Variants in ARFGEF3 observed in about 807,000 individuals in gnomAD.
The protein encoded by ARFGEF3 is brefeldin A-inhibited guanine nucleotide-exchange protein 3.
A neutral mutation model predicts 221.7 loss-of-function variants in ARFGEF3; 96 were observed. The observed-to-expected ratio is 0.43, with a 90% CI of 0.37 to 0.51. The LOEUF is 0.51. Ranked by LOEUF, ARFGEF3 falls within the 20% of genes least tolerant of loss-of-function variation. The pLI, the probability that ARFGEF3 is intolerant of heterozygous loss-of-function variation, is 0.00. For synonymous variants in ARFGEF3, 1,145 were observed against 1,126.8 expected, an observed-to-expected ratio of 1.02 and a Z score of -0.32; for missense variants, 2,410 against 2,789.9, an observed-to-expected ratio of 0.86 and a Z score of 3.07.
Position 138,306,099 on chromosome 6 carries a change from CAAA to C in ARFGEF3, c.3829-1149_3829-1147del, listed in dbSNP as rs547933958. ...TATATAGAACATTATATGGGATTTG[CAAA>C]AAAATTCTAGTCGAGCAAGGTCACT... On this transcript the variant is annotated intron_variant, in intron 22 of 33. Transcript: ENST00000251691. 1.3e-5 allele frequency among the ~76,000 whole-genome samples: 2 copies of C among 151,724 alleles called. 1 individual carries two copies. Among genetic ancestry groups the C allele is most frequent in the South Asian group, 4.2e-4 (2 of 4,806 alleles).
intron 1 of ARFGEF3, among the ~76,000 whole-genome samples, chr6:138,165,141 G>A (rs1171348996): frequency 1.3e-5 from 2 of 151,488 alleles, no homozygotes; most frequent in Admixed American, 1.3e-4. Flanking sequence ...GAGAGAGAGG[G>A]GGCATCCCCG....
intron 29 of ARFGEF3, among the ~76,000 whole-genome samples, chr6:138,321,516 A>T (rs1383075215): frequency 6.6e-6 from 1 of 152,228 alleles, no homozygotes; most frequent in Non-Finnish European, 1.5e-5. Flanking sequence ...GAGAAACGCA[A>T]ATTGAATGTA....
At position 138,317,485 on chromosome 6, in the gene ARFGEF3, A is replaced by G; in HGVS notation, c.4474+106A>G. ...CCTGTTTTCACTGTTTCCTAGACTTAGTACAAAGCTCACACGTAAGAGGTG... is the reference window on the plus strand; with the variant it reads ...CCTGTTTTCACTGTTTCCTAGACTTGGTACAAAGCTCACACGTAAGAGGTG... On this transcript the variant is annotated intron_variant, in intron 27 of 33. Coordinates refer to ENST00000251691, the MANE Select transcript of ARFGEF3 (RefSeq NM_020340.5). 5 of 1,373,292 alleles carry G rather than the reference A, an allele frequency of 3.6e-6. 1 individual carries two copies. Among genetic ancestry groups the G allele is most frequent in the Non-Finnish European group, 5.0e-6 (5 of 991,776 alleles). 85.1% of individuals were successfully genotyped at this position (1,373,292 alleles called of 1,614,324 possible). A position where few individuals can be genotyped will look rare whatever the true frequency, so the allele number is the denominator to read the frequency against.
chr6:138,321,055 A>T, intron 28 of ARFGEF3, 56 bp from the exon 29 acceptor site: 2 of 988,554 alleles, frequency 2.0e-6, no homozygotes, highest in Non-Finnish European at 3.1e-6. Flanking sequence ...TGGCCATTTC[A>T]ATCTACCCCT....
intron 25 of ARFGEF3, 80 bp downstream of exon 25, chr6:138,311,590 T>TG: frequency 2.1e-6 from 2 of 933,122 alleles, no homozygotes; most frequent in Non-Finnish European, 3.4e-6. Context: ...GGGGGGTCTT[T>TG]TGCTGAAGCC....
Position 138,334,297 on chromosome 6 carries a change from T to C in ARFGEF3, c.5451T>C (p.Tyr1817=). The C allele has an allele frequency of 1.9e-6, 3 of 1,613,838 alleles. No homozygotes were observed. The highest frequency in any genetic ancestry group is 2.5e-6 in the Non-Finnish European group (3 of 1,179,846). Residue 1817 remains tyrosine (Y), a synonymous_variant, in exon 33 of 34, where the codon TAT becomes TAC. Transcript: ENST00000251691. The surrounding 1 kb of genome is among the most constrained non-coding windows in gnomAD (Gnocchi z 5.1). ...YRQSAMSFNI[Y]FHALVCAVLT... is the part of the protein sequence containing the mutation. ...AGTCTGCGATGAGCTTTAACATTTA[T>C]TTCCACGCCCTGGTGTGTGCTGTTC...
chr6:138,236,982 G>A (rs766502494), intron 5 of ARFGEF3, among the ~76,000 whole-genome samples: 2 of 138,176 alleles, frequency 1.4e-5, no homozygotes, highest in East Asian at 2.1e-4. Flanking sequence ...GGGTTTTGTC[G>A]AGGTTGAGAA....
chr6:138,202,693 A>C (rs1363978838), intron 2 of ARFGEF3, among the ~76,000 whole-genome samples: 1 of 152,174 alleles, frequency 6.6e-6, no homozygotes, highest in Non-Finnish European at 1.5e-5. Context: ...AAAAAAAAAA[A>C]AAACCCTGTT....
intron 4 of ARFGEF3, among the ~76,000 whole-genome samples, chr6:138,228,413 C>G (rs913269381): frequency 2.6e-5 from 4 of 151,348 alleles, no homozygotes; most frequent in African/African-American, 9.7e-5. Context: ...TCTCGAACTC[C>G]TAATCTCAAG....
intron 4 of ARFGEF3, among the ~76,000 whole-genome samples, chr6:138,211,804 C>T (rs1448745810): frequency 6.6e-6 from 1 of 152,164 alleles, no homozygotes; most frequent in Admixed American, 6.5e-5. Flanking sequence ...CTTGTACTTG[C>T]TTTCTGATTC....
chr6:138,167,831 C>T (rs962180854), intron 1 of ARFGEF3, among the ~76,000 whole-genome samples: 6 of 152,178 alleles, frequency 3.9e-5, no homozygotes, highest in African/African-American at 1.4e-4. Flanking sequence ...CATGTTAAAA[C>T]ACTGAATAGC....
At position 138,338,501 on chromosome 6, in the gene ARFGEF3, A is replaced by G. The variant is rs1041434878; in HGVS notation, c.*2015A>G. 5.9e-5 allele frequency: 9 copies of G among 152,342 alleles called. No individual in the cohort carries two copies. The highest frequency in any genetic ancestry group is 2.2e-4 in the African/African-American group (9 of 41,576). 9.4% of individuals were successfully genotyped at this position (152,342 alleles called of 1,614,324 possible). On this transcript the variant is annotated 3_prime_UTR_variant, in exon 34 of 34. Transcript: ENST00000251691. ...GAAAAATTCAAAGGAAGCTGTCTCA[A>G]TTTGAGAATACCAGCTGGGCACGGT...
At position 138,162,828 on chromosome 6, in the gene ARFGEF3, G is replaced by A. The variant is rs984161152; in HGVS notation, c.85+657G>A. Reference sequence around the variant, plus strand: ...ACTCAGGTTGCAGAACTCAGCAGCGGAAAAAAACGGAAAGACATTTCAGTT... The same window carrying A: ...ACTCAGGTTGCAGAACTCAGCAGCGAAAAAAAACGGAAAGACATTTCAGTT... On this transcript the variant is annotated intron_variant, in intron 1 of 33. Coordinates refer to ENST00000251691, the MANE Select transcript of ARFGEF3 (RefSeq NM_020340.5). This position sits in a 1 kb window ranked among gnomAD's most constrained non-coding sequence, Gnocchi z 4.7. Among the ~76,000 whole-genome samples the A allele has an allele frequency of 1.3e-4, 20 of 152,062 alleles. No individual in the cohort carries two copies. Among genetic ancestry groups the A allele is most frequent in the South Asian group, 1.0e-3 (5 of 4,820 alleles).
rs780373513 is a variant in ARFGEF3, at chr6:138,294,005, T to C, written c.3381T>C (p.Asp1127=). ...TGTTTGCATCCAGGCTCTTTGAAGA[T>C]GCTACGGATAAGTTGAACCTCATGG... ...LSTQADRLFE[D]ATDKLNLMAL... Residue 1127 remains aspartate, a synonymous_variant, in exon 20 of 34, where the codon GAT becomes GAC. Transcript: ENST00000251691. 3.7e-6 allele frequency: 6 copies of C among 1,613,786 alleles called. No homozygotes were observed. Among genetic ancestry groups the C allele is most frequent in the Admixed American group, 1.7e-5 (1 of 59,988 alleles).
At chr6:138,205,660 A>G (rs1314731631) in intron 2 of ARFGEF3, among the ~76,000 whole-genome samples, 1 of 152,220 alleles carries the variant, frequency 6.6e-6, no homozygotes, top group Non-Finnish European at 1.5e-5. Flanking sequence ...CAGCCACCCA[A>G]CTGGATGTAA....
Position 138,296,741 on chromosome 6 carries a change from T to G in ARFGEF3, c.3503-69T>G, listed in dbSNP as rs536021569. The G allele has an allele frequency of 6.9e-5, 107 of 1,560,568 alleles. 2 individuals are homozygous for G. The South Asian group carries it at 1.3e-3, about 19-fold the overall frequency. ...CCTACCTAGATTTTCAACCTCTCTC[T>G]TTGCTTGAATAGGTCAGACTATGTC... On this transcript the variant is annotated intron_variant, in intron 20 of 33. Coordinates refer to ENST00000251691, the MANE Select transcript of ARFGEF3 (RefSeq NM_020340.5).
intron 8 of ARFGEF3, among the ~76,000 whole-genome samples, chr6:138,247,817 A>G (rs1348425236): frequency 3.9e-5 from 6 of 152,284 alleles, no homozygotes; most frequent in Admixed American, 3.3e-4. Context: ...AGATTGAGTG[A>G]GAAAATTCAC....
intron 14 of ARFGEF3, among the ~76,000 whole-genome samples, chr6:138,285,306 C>A (rs1779266264): frequency 6.6e-6 from 1 of 151,998 alleles, no homozygotes; most frequent in Non-Finnish European, 1.5e-5. Context: ...AAAAAATTAG[C>A]CGGGCATGGT....
intron 4 of ARFGEF3, among the ~76,000 whole-genome samples, chr6:138,228,493 G>A (rs1320556030): frequency 6.6e-6 from 1 of 151,888 alleles, no homozygotes; most frequent in South Asian, 2.1e-4. Context: ...AGCCAACTGA[G>A]CTGATTTTTA....
Sources: allele counts gnomAD v4.1 joint callset (sites outside exome capture counted in the v4.1 genomes callset), GRCh38; gene constraint gnomAD v4.1.1; non-coding constraint Gnocchi (gnomAD v3.1); transcripts MANE v1.5; gene names NCBI Gene and HGNC (gene_info 2026-07-23, HGNC 2026-07-21).